NEK11: variants seen among roughly 807,000 people sequenced by gnomAD.
NEK11 encodes the protein serine/threonine-protein kinase Nek11.
In NEK11, 72 loss-of-function variants were observed where a neutral mutation model predicts 80.7. The ratio of observed to expected loss-of-function variants is 0.89; its 90% CI spans 0.74 to 1.08. The LOEUF is 1.08. Ranked by LOEUF, NEK11 falls within the 50% of genes least tolerant of loss-of-function variation. NEK11 has a pLI of 0.00. For synonymous variants in NEK11, 251 were observed against 260.7 expected (o/e 0.96, Z 0.36); for missense variants, 764 against 763.6 (o/e 1.00, Z -0.01).
rs752631043 is a variant in NEK11, at chr3:131,029,877, T to C, written c.169T>C (p.Leu57=). The change falls in exon 3 of 18, where the codon TTA becomes CTA. Residue 57 remains leucine (L), a splice_region_variant and synonymous_variant. Coordinates refer to ENST00000383366, the MANE Select transcript of NEK11 (RefSeq NM_024800.5). ...CAAGAAAGCCAAACGAGGAGAGGAA[T>C]TGTAAGTAAAAATGCTTCCTATGAA... ...SDKKAKRGEE[L]KVLKEISVGE... 3 of 1,614,050 alleles carry C rather than the reference T, an allele frequency of 1.9e-6. No homozygotes were observed. Among genetic ancestry groups the C allele is most frequent in the Admixed American group, 1.7e-5 (1 of 60,022 alleles).
intron 7 of NEK11, among the ~76,000 whole-genome samples, chr3:131,147,283 A>G (rs1466975715): frequency 6.6e-6 from 1 of 151,960 alleles, no homozygotes; most frequent in Admixed American, 6.6e-5. Context: ...TTTTTTCTAT[A>G]TGAATATTCA....
intron 9 of NEK11, among the ~76,000 whole-genome samples, chr3:131,153,659 A>G (rs1375548321): frequency 6.6e-6 from 1 of 152,194 alleles, no homozygotes; most frequent in Non-Finnish European, 1.5e-5. Flanking sequence ...TCCAAACCCA[A>G]AGGAAGCAAA....
intron 2 of NEK11, among the ~76,000 whole-genome samples, chr3:131,028,682 C>T (rs1241755444): frequency 6.6e-6 from 1 of 152,156 alleles, no homozygotes. Flanking sequence ...CTGCCTCAGC[C>T]TCCCGAGTAG....
At chr3:131,288,111 A>G (rs1462516990) in intron 17 of NEK11, among the ~76,000 whole-genome samples, 1 of 152,196 alleles carries the variant, frequency 6.6e-6, no homozygotes. Flanking sequence ...ATTTAAGGGG[A>G]GAGAGGTCTC....
chr3:131,291,581 A>C (rs2096544014), intron 17 of NEK11, among the ~76,000 whole-genome samples: 1 of 152,202 alleles, frequency 6.6e-6, no homozygotes, highest in Non-Finnish European at 1.5e-5. Context: ...AATGAGTGAG[A>C]GTTCCTGTTG....
intron 14 of NEK11, among the ~76,000 whole-genome samples, chr3:131,211,114 GT>G (rs2094598801): frequency 6.6e-6 from 1 of 151,718 alleles, no homozygotes; most frequent in Non-Finnish European, 1.5e-5. Flanking sequence ...GATGGTACCA[GT>G]TTTCCTTTCC....
intron 7 of NEK11, among the ~76,000 whole-genome samples, chr3:131,139,544 T>C (rs1458505288): frequency 2.6e-5 from 4 of 152,064 alleles, no homozygotes; most frequent in African/African-American, 9.7e-5. Context: ...ATAAGAAGGT[T>C]ATAGAAGACC....
At chr3:131,242,500 C>T (rs1345995567) in intron 15 of NEK11, among the ~76,000 whole-genome samples, 1 of 152,132 alleles carries the variant, frequency 6.6e-6, no homozygotes, top group African/African-American at 2.4e-5. Context: ...AAGTTCCAAT[C>T]AGCAGCATAA....
chr3:131,166,483 A>G (rs905277696), intron 12 of NEK11, among the ~76,000 whole-genome samples: 3 of 152,154 alleles, frequency 2.0e-5, no homozygotes, highest in African/African-American at 7.2e-5. Context: ...TCAATTATTT[A>G]GGGGTTCTGT....
chr3:131,099,949 T>C (rs529341762), intron 4 of NEK11, among the ~76,000 whole-genome samples: 97 of 152,328 alleles, frequency 6.4e-4, no homozygotes, highest in Middle Eastern at 3.4e-3. Context: ...ATGCCTTTTA[T>C]TTCTTTCTCT....
At chr3:131,280,107 ATCTGGGGGAGCT>A (rs1289273687) in intron 17 of NEK11, among the ~76,000 whole-genome samples, 1 of 152,196 alleles carries the variant, frequency 6.6e-6, no homozygotes, top group African/African-American at 2.4e-5. Flanking sequence ...AGGCCTGAGA[ATCTGGGGGAGCT>A]TCTGAGCCCA....
intron 16 of NEK11, among the ~76,000 whole-genome samples, chr3:131,261,236 A>AAC (rs1233264573): frequency 6.6e-6 from 1 of 152,170 alleles, no homozygotes; most frequent in East Asian, 1.9e-4. Flanking sequence ...ACTTTTAGGA[A>AAC]ACACAGCATC....
chr3:131,029,447 C>T (rs61528092), intron 2 of NEK11, among the ~76,000 whole-genome samples, 166 bp from the exon 3 acceptor site: 1,862 of 152,230 alleles, frequency 0.012, 41 homozygotes, highest in African/African-American at 0.042. Context: ...GAAAGATTGC[C>T]TTCTGGAATT....
chr3:131,064,108 T>C (rs561483533), intron 3 of NEK11, among the ~76,000 whole-genome samples: 1 of 152,138 alleles, frequency 6.6e-6, no homozygotes, highest in Non-Finnish European at 1.5e-5. Context: ...ATTCAACTTA[T>C]ATGAAATATC....
chr3:131,139,353 G>GAAAAAAAAAAAAAAAAAAAAAAA (rs71622003), intron 7 of NEK11, among the ~76,000 whole-genome samples: 1 of 107,560 alleles, frequency 9.3e-6, no homozygotes, highest in Non-Finnish European at 1.8e-5. Flanking sequence ...AGAGAAAAAA[G>GAAAAAAAAAAAAAAAAAAAAAAA]AAAAAAAAAA....
At chr3:131,349,491 A>G in intron 17 of NEK11, 66 bp from the exon 18 acceptor site, 2 of 1,342,394 alleles carry the variant, frequency 1.5e-6, no homozygotes, top group Non-Finnish European at 2.1e-6. Context: ...ATGATTTAAA[A>G]GCACATTTTC....
chr3:131,039,080 A>C (rs752010657), intron 3 of NEK11, among the ~76,000 whole-genome samples: 3 of 152,228 alleles, frequency 2.0e-5, no homozygotes, highest in Non-Finnish European at 4.4e-5. Context: ...TAAGCCTATT[A>C]AGTTATTGTA....
At chr3:131,145,803 T>G (rs558957684) in intron 7 of NEK11, among the ~76,000 whole-genome samples, 4 of 152,236 alleles carry the variant, frequency 2.6e-5, no homozygotes, top group African/African-American at 9.6e-5. Context: ...CCTAATCTTA[T>G]GGTTTTCTCA....
intron 5 of NEK11, among the ~76,000 whole-genome samples, chr3:131,122,224 T>C (rs2082506474): frequency 6.6e-6 from 1 of 152,190 alleles, no homozygotes. Flanking sequence ...TAAATATGAC[T>C]GTGGAAGGAG....
Sources: gnomAD v4.1 joint callset for allele counts (sites outside exome capture counted in the v4.1 genomes callset) on GRCh38, gnomAD v4.1.1 for gene constraint, MANE v1.5 for transcripts, NCBI Gene and HGNC (gene_info 2026-07-23, HGNC 2026-07-21) for gene names.